Variants in NIBAN2 observed in about 807,000 individuals in gnomAD.
The protein encoded by NIBAN2 is protein Niban 2.
Under a neutral mutation model 81.8 loss-of-function variants are expected in NIBAN2, and 36 were observed. That is an observed-to-expected ratio of 0.44 (90% CI 0.34 to 0.58). NIBAN2 has a LOEUF of 0.58. Ranked by LOEUF, NIBAN2 falls within the 20% of genes least tolerant of loss-of-function variation. The pLI, the probability that NIBAN2 is intolerant of heterozygous loss-of-function variation, is 0.02. For synonymous variants in NIBAN2, 445 were observed against 441.6 expected (o/e 1.01, Z -0.10); for missense variants, 897 against 1,014.1 (o/e 0.88, Z 1.57).
chr9:127,535,216 C>T (rs999883088), intron 1 of NIBAN2, among the ~76,000 whole-genome samples: 23 of 152,220 alleles, frequency 1.5e-4, no homozygotes, highest in African/African-American at 3.9e-4. Flanking sequence ...CTGGCCCTCA[C>T]GGAGCAGGCC....
In NIBAN2 at chr9:127,559,640, G is replaced by A. The variant is rs1237126556; in HGVS notation, c.55+9180C>T. 6.6e-6 allele frequency among the ~76,000 whole-genome samples: 1 copy of A among 152,222 alleles called. No homozygotes were observed. On this transcript the variant is annotated intron_variant, in intron 1 of 13. Transcript: ENST00000373312. This position sits in a 1 kb window ranked among gnomAD's most constrained non-coding sequence, Gnocchi z 4.0. ...GCATGGGGCATGGGAAAGATGGACA[G>A]CAGCTGCAGTTGGCTTGGCCACAGA... is the stretch of plus-strand genomic sequence containing the variant.
chr9:127,535,764 T>A (rs1369538117), intron 1 of NIBAN2, among the ~76,000 whole-genome samples: 1 of 151,904 alleles, frequency 6.6e-6, no homozygotes, highest in East Asian at 1.9e-4. Context: ...GGAACTCTGC[T>A]GGAGGGGTCT....
rs570980944 is a variant in NIBAN2, at chr9:127,536,192, G to A, written c.56-4414C>T. On this transcript the variant is annotated intron_variant, in intron 1 of 13. Transcript: ENST00000373312. This position sits in a 1 kb window ranked among gnomAD's most constrained non-coding sequence, Gnocchi z 4.0. ...TGTACAGAGGAAGTAACCCAGAGAC[G>A]CAGAAGATGAGGACTCGGGTGCTGG... 1.3e-5 allele frequency among the ~76,000 whole-genome samples: 2 copies of A among 152,306 alleles called. No homozygotes were observed. Among genetic ancestry groups the A allele is most frequent in the South Asian group, 2.1e-4 (1 of 4,826 alleles).
chr9:127,507,078 C>T lies in NIBAN2; in HGVS notation c.2008G>A (p.Gly670Ser), dbSNP rs61751870. The T allele has an allele frequency of 1.2e-3, 1,947 of 1,576,042 alleles. 9 individuals are homozygous for T. The East Asian group carries it at 0.018, about 14-fold the overall frequency. The change falls in exon 14 of 14, where the codon GGC becomes AGC. Residue 670 changes from glycine (G) to serine (S), a missense_variant. Around this residue, in one of 3 missense-constraint regions of NIBAN2, gnomAD observed 619 missense variants for 691.0 expected, o/e 0.90. Transcript: ENST00000373312. This position sits in a 1 kb window ranked among gnomAD's most constrained non-coding sequence, Gnocchi z 6.8. ...GCGGGGGCCCCGTTGAGCAGGGGGCCGGCTGGTGGGGGGCTCTCAGGCCGC... is the reference window on the plus strand; with the variant it reads ...GCGGGGGCCCCGTTGAGCAGGGGGCTGGCTGGTGGGGGGCTCTCAGGCCGC... ...GLRPESPPPA[G>S]PLLNGAPAGE...
chr9:127,507,514 G>T lies in NIBAN2; in HGVS notation c.1655-83C>A. 1 of 1,189,752 alleles carries T rather than the reference G, an allele frequency of 8.4e-7. No homozygotes were observed. The highest frequency in any genetic ancestry group is 1.5e-5 in the African/African-American group (1 of 64,816). The allele number at this position is 1,189,752 out of a possible 1,614,324, so 73.7% of individuals were successfully genotyped here. A position where few individuals can be genotyped will look rare whatever the true frequency, so the allele number is the denominator to read the frequency against. Reference sequence around the variant, plus strand: ...GCTGGACTCTGCTCAAAGAAGACCCGTCTCATCCCGCCTTGGGGGTCTGTG... The same window carrying T: ...GCTGGACTCTGCTCAAAGAAGACCCTTCTCATCCCGCCTTGGGGGTCTGTG... On this transcript the variant is annotated intron_variant, in intron 13 of 13. Transcript: ENST00000373312. The surrounding 1 kb of genome is among the most constrained non-coding windows in gnomAD (Gnocchi z 6.8).
chr9:127,517,713 C>T lies in NIBAN2; in HGVS notation c.705+113G>A, dbSNP rs1836860173. 1.4e-6 allele frequency: 1 copy of T among 733,990 alleles called. No individual in the cohort carries two copies. Among genetic ancestry groups the T allele is most frequent in the Non-Finnish European group, 2.4e-6 (1 of 424,230 alleles). The allele number at this position is 733,990 out of a possible 1,614,324, so 45.5% of individuals were successfully genotyped here. A position where few individuals can be genotyped will look rare whatever the true frequency, so the allele number is the denominator to read the frequency against. On this transcript the variant is annotated intron_variant, in intron 6 of 13. Coordinates refer to ENST00000373312, the MANE Select transcript of NIBAN2 (RefSeq NM_022833.4). The surrounding 1 kb of genome is among the most constrained non-coding windows in gnomAD (Gnocchi z 4.0). ...TTGTCCAAATCTAAGCATGTCATCT[C>T]CTTCCAAACCGGCAGCGCCCCAGAG... is the stretch of plus-strand genomic sequence containing the variant.
intron 1 of NIBAN2, among the ~76,000 whole-genome samples, chr9:127,547,850 A>G (rs1837501935): frequency 6.6e-6 from 1 of 152,230 alleles, no homozygotes. Context: ...AAACAAAAAA[A>G]CAAACAAAAA....
upstream of NIBAN2, chr9:127,569,146 A>G (rs1316546896): frequency 1.3e-6 from 1 of 747,428 alleles, no homozygotes; most frequent in Non-Finnish European, 1.5e-6. Context: ...CCCGCAGGCC[A>G]ACCCCGCCCC....
intron 1 of NIBAN2, among the ~76,000 whole-genome samples, chr9:127,578,381 G>A (rs1024824816): frequency 3.5e-5 from 5 of 143,766 alleles, no homozygotes; most frequent in African/African-American, 1.3e-4. Flanking sequence ...AAAAAAAGTG[G>A]CCAGGCGCCA....
chr9:127,535,598 A>C (rs1252488927), intron 1 of NIBAN2, among the ~76,000 whole-genome samples: 7 of 152,138 alleles, frequency 4.6e-5, no homozygotes, highest in African/African-American at 1.7e-4. Context: ...CCACAGGCCT[A>C]GGGCCTCGGG....
At chr9:127,558,792 T>C (rs1210147576) in intron 1 of NIBAN2, among the ~76,000 whole-genome samples, 3 of 152,166 alleles carry the variant, frequency 2.0e-5, no homozygotes, top group Non-Finnish European at 2.9e-5. Flanking sequence ...AATCACCCCT[T>C]AAATCTCTGA....
In NIBAN2 at chr9:127,563,673, C is replaced by T. The variant is rs1438666859; in HGVS notation, c.55+5147G>A. Among the ~76,000 whole-genome samples, 1 of 152,088 alleles carries T rather than the reference C, an allele frequency of 6.6e-6. No individual in the cohort carries two copies. The highest frequency in any genetic ancestry group is 2.4e-5 in the African/African-American group (1 of 41,424). ...AAGTAGCTGGGACTACAGGCACGCA[C>T]CACCAGGCCCGGCTAATTTTTTAGT... On this transcript the variant is annotated intron_variant, in intron 1 of 13. Coordinates refer to ENST00000373312, the MANE Select transcript of NIBAN2 (RefSeq NM_022833.4). The surrounding 1 kb of genome is among the most constrained non-coding windows in gnomAD (Gnocchi z 4.1).
At chr9:127,573,999 T>C (rs1173698360), upstream of NIBAN2, among the ~76,000 whole-genome samples, 1 of 152,188 alleles carries the variant, frequency 6.6e-6, no homozygotes, top group Non-Finnish European at 1.5e-5. Context: ...TCTGCCTGCT[T>C]TTCTGTGGGA....
rs1166409657 is a variant in NIBAN2 at position 127,536,724 on chromosome 9, C to T, written c.56-4946G>A. Among the ~76,000 whole-genome samples, 1 of 152,238 alleles carries T rather than the reference C, an allele frequency of 6.6e-6. No homozygotes were observed. Among genetic ancestry groups the T allele is most frequent in the East Asian group, 1.9e-4 (1 of 5,196 alleles). ...AATGTGAGCCAGAGAGGGTGAGCAG[C>T]TCAGCTGAGGTCACACAGCCAGATG... On this transcript the variant is annotated intron_variant, in intron 1 of 13. Coordinates refer to ENST00000373312, the MANE Select transcript of NIBAN2 (RefSeq NM_022833.4). This position sits in a 1 kb window ranked among gnomAD's most constrained non-coding sequence, Gnocchi z 4.0.
At chr9:127,557,931 C>A (rs116502250) in intron 1 of NIBAN2, among the ~76,000 whole-genome samples, 1 of 152,286 alleles carries the variant, frequency 6.6e-6, no homozygotes, top group East Asian at 1.9e-4. Flanking sequence ...AGAGGAGAGA[C>A]GCCCCTTGAC....
chr9:127,528,419 G>T (rs945363039), intron 2 of NIBAN2, among the ~76,000 whole-genome samples: 1 of 152,182 alleles, frequency 6.6e-6, no homozygotes, highest in Middle Eastern at 3.2e-3. Context: ...TTTGCAAAAA[G>T]AAACATTTCT....
At chr9:127,576,873 A>G (rs1564325404) in intron 1 of NIBAN2, among the ~76,000 whole-genome samples, 1 of 150,940 alleles carries the variant, frequency 6.6e-6, no homozygotes, top group Non-Finnish European at 1.5e-5. Context: ...TTGTATTTTT[A>G]GTAGAGACGG....
At chr9:127,521,518 G>C (rs562445223) in intron 5 of NIBAN2, among the ~76,000 whole-genome samples, 1 of 152,148 alleles carries the variant, frequency 6.6e-6, no homozygotes, top group East Asian at 1.9e-4. Context: ...CCCTGGGACC[G>C]CTGGTGTCCG....
At chr9:127,514,730 C>A (rs1048436619) in intron 8 of NIBAN2, among the ~76,000 whole-genome samples, 2 of 152,184 alleles carry the variant, frequency 1.3e-5, no homozygotes, top group Non-Finnish European at 2.9e-5. Context: ...ACATTCTGAC[C>A]AAAGCATTTT....
Sources: allele counts gnomAD v4.1 joint callset (sites outside exome capture counted in the v4.1 genomes callset), GRCh38; gene constraint gnomAD v4.1.1; regional missense constraint gnomAD v4.1.1; non-coding constraint Gnocchi (gnomAD v3.1); transcripts MANE v1.5; gene names NCBI Gene and HGNC (gene_info 2026-07-23, HGNC 2026-07-21).